CSMD1: variants seen among roughly 807,000 people sequenced by gnomAD.
The protein encoded by CSMD1 is CUB and Sushi multiple domains 1, also known as CUB and sushi domain-containing protein 1.
In CSMD1, 213 loss-of-function variants were observed where a neutral mutation model predicts 417.5. The ratio of observed to expected loss-of-function variants is 0.51; its 90% CI spans 0.46 to 0.57. The LOEUF (loss-of-function observed/expected upper bound fraction) is 0.57. Among genes scored for constraint, CSMD1 ranks in the 20% least tolerant of loss-of-function variants. The pLI, the probability that CSMD1 is intolerant of heterozygous loss-of-function variation, is 0.00. For missense variants in CSMD1, 6,923 were observed against 4,529.7 expected (o/e 1.53, Z -15.17); for synonymous variants, 2,862 against 1,736.8 (o/e 1.65, Z -16.11).
intron 1 of CSMD1, among the ~76,000 whole-genome samples, chr8:4,899,429 A>T (rs928633784): frequency 3.9e-5 from 6 of 152,226 alleles, no homozygotes; most frequent in Non-Finnish European, 7.3e-5. Context: ...GAAGTATTTT[A>T]GGTAATTGAG....
chr8:4,285,096 A>C (rs1796990588), intron 3 of CSMD1, among the ~76,000 whole-genome samples: 1 of 152,204 alleles, frequency 6.6e-6, no homozygotes, highest in African/African-American at 2.4e-5. Context: ...AAGTTTTGCT[A>C]TTATTATGAA....
intron 1 of CSMD1, among the ~76,000 whole-genome samples, chr8:4,656,637 T>C (rs1804251227): frequency 6.6e-6 from 1 of 152,090 alleles, no homozygotes; most frequent in South Asian, 2.1e-4. Flanking sequence ...TGACTAATTT[T>C]AGTTTCAAAG....
chr8:3,750,546 G>A (rs958460419), intron 6 of CSMD1, among the ~76,000 whole-genome samples: 2 of 151,898 alleles, frequency 1.3e-5, no homozygotes, highest in South Asian at 4.2e-4. Flanking sequence ...ATAATATCAG[G>A]CTTTCCTTCT....
At chr8:3,534,528 A>AG (rs939601139) in intron 10 of CSMD1, among the ~76,000 whole-genome samples, 3 of 152,030 alleles carry the variant, frequency 2.0e-5, no homozygotes, top group Non-Finnish European at 2.9e-5. Flanking sequence ...CAAAAAAAAA[A>AG]AAAAAAAGAA....
intron 3 of CSMD1, among the ~76,000 whole-genome samples, chr8:4,051,650 T>C (rs772454777): frequency 3.9e-5 from 6 of 151,998 alleles, no homozygotes; most frequent in Admixed American, 1.3e-4. Context: ...TATGATAAAA[T>C]GGTGAGCAGG....
At chr8:3,809,632 C>T (rs907309372) in intron 5 of CSMD1, among the ~76,000 whole-genome samples, 3 of 152,054 alleles carry the variant, frequency 2.0e-5, no homozygotes, top group Non-Finnish European at 1.5e-5. Flanking sequence ...TCTCTGGTGG[C>T]GGCTAAGAAT....
intron 2 of CSMD1, among the ~76,000 whole-genome samples, chr8:4,604,381 T>TTGTGTGTGTGTGTGTG (rs368710127): frequency 0.032 from 2,887 of 91,470 alleles, 42 homozygotes; most frequent in Middle Eastern, 0.048. Flanking sequence ...ACAAATAGCA[T>TTGTGTGTGTGTGTGTG]TGTGTGTGTG....
intron 7 of CSMD1, among the ~76,000 whole-genome samples, chr8:3,629,485 T>G (rs965158297): frequency 6.6e-6 from 1 of 152,184 alleles, no homozygotes; most frequent in Admixed American, 6.5e-5. Flanking sequence ...GAATACACAA[T>G]ACACCTAGCA....
intron 1 of CSMD1, among the ~76,000 whole-genome samples, chr8:4,736,016 G>T (rs935928384): frequency 4.6e-5 from 7 of 152,196 alleles, no homozygotes; most frequent in Non-Finnish European, 4.4e-5. Flanking sequence ...TTATGGAGCT[G>T]CTGGAGACAC....
intron 19 of CSMD1, 149 bp from the exon 20 acceptor site, chr8:3,367,396 A>G: frequency 3.2e-6 from 2 of 617,268 alleles, no homozygotes; most frequent in South Asian, 3.9e-5. Flanking sequence ...GACAGATTGC[A>G]GAGAGTAATA....
chr8:3,045,578 T>C (rs1216295684), intron 50 of CSMD1, among the ~76,000 whole-genome samples: 1 of 152,168 alleles, frequency 6.6e-6, no homozygotes, highest in Non-Finnish European at 1.5e-5. Flanking sequence ...TTACCTATGG[T>C]GACCCCATCA....
rs539478192 is a variant in CSMD1 at position 3,091,559 on chromosome 8, A to T, written c.7242T>A (p.Thr2414=). 1.2e-6 allele frequency: 2 copies of T among 1,610,354 alleles called. No individual in the cohort carries two copies. Among genetic ancestry groups the T allele is most frequent in the African/African-American group, 2.7e-5 (2 of 74,952 alleles). ...ATCCTTTCTTACTGGTGGCATGGTC[A>T]GTGGACCAGCGGAGATATAACTGAT... The part of the protein sequence containing the change: ...RSNQLYLRWS[T]DHATSKKGFK... Residue 2414 remains threonine, a synonymous_variant, in exon 48 of 70, where the codon ACT becomes ACA. Coordinates refer to ENST00000635120, the MANE Select transcript of CSMD1 (RefSeq NM_033225.6).
chr8:3,133,086 C>T (rs1817882162), intron 41 of CSMD1, among the ~76,000 whole-genome samples: 1 of 152,334 alleles, frequency 6.6e-6, no homozygotes, highest in East Asian at 1.9e-4. Context: ...TCTGCGTGAG[C>T]CTGCATCCTT....
At chr8:4,482,279 T>C (rs1801143524) in intron 2 of CSMD1, among the ~76,000 whole-genome samples, 2 of 152,290 alleles carry the variant, frequency 1.3e-5, no homozygotes, top group Middle Eastern at 3.4e-3. Flanking sequence ...CAGTGTGTGT[T>C]GTTCCTCTCT....
chr8:3,679,577 A>T (rs966462724), intron 7 of CSMD1, among the ~76,000 whole-genome samples: 1 of 152,152 alleles, frequency 6.6e-6, no homozygotes, highest in Non-Finnish European at 1.5e-5. Flanking sequence ...CTCCCACACA[A>T]TAATAATGGG....
intron 7 of CSMD1, among the ~76,000 whole-genome samples, chr8:3,694,347 A>G (rs1279903887): frequency 3.9e-5 from 6 of 152,180 alleles, no homozygotes; most frequent in Non-Finnish European, 5.9e-5. Context: ...GACAGGGGTC[A>G]CTCAGGCTGA....
intron 7 of CSMD1, among the ~76,000 whole-genome samples, chr8:3,674,295 C>A (rs1218451471): frequency 6.6e-6 from 1 of 152,220 alleles, no homozygotes; most frequent in East Asian, 1.9e-4. Context: ...TAATAAATCA[C>A]CCAAAATACC....
At chr8:4,388,001 A>C (rs1451536451) in intron 3 of CSMD1, among the ~76,000 whole-genome samples, 1 of 152,300 alleles carries the variant, frequency 6.6e-6, no homozygotes, top group South Asian at 2.1e-4. Flanking sequence ...TAAACACATA[A>C]TTGAATCCAT....
At chr8:4,926,362 A>C (rs1806873466) in intron 1 of CSMD1, among the ~76,000 whole-genome samples, 1 of 152,018 alleles carries the variant, frequency 6.6e-6, no homozygotes, top group African/African-American at 2.4e-5. Context: ...CCCACCATGA[A>C]CTCTTTATCT....
Sources: gnomAD v4.1 joint callset for allele counts (sites outside exome capture counted in the v4.1 genomes callset) on GRCh38, gnomAD v4.1.1 for gene constraint, MANE v1.5 for transcripts, NCBI Gene and HGNC (gene_info 2026-07-23, HGNC 2026-07-21) for gene names.